Variants in SMARCC1 observed in about 807,000 individuals in gnomAD.
SMARCC1 encodes SWI/SNF related BAF chromatin remodeling complex subunit C1, also known as SWI/SNF complex subunit SMARCC1.
In SMARCC1, 43 loss-of-function variants were observed where a neutral mutation model predicts 147.4. That is an observed-to-expected ratio of 0.29 (90% CI 0.23 to 0.38). The LOEUF is 0.38. Ranked by LOEUF, SMARCC1 falls within the 10% of genes least tolerant of loss-of-function variation. SMARCC1 has a pLI of 1.00. For missense variants in SMARCC1, 1,119 were observed against 1,381.1 expected (o/e 0.81, Z 3.01); for synonymous variants, 495 against 484.4 (o/e 1.02, Z -0.29).
chr3:47,592,361 T>C (rs1206269707), intron 26 of SMARCC1, among the ~76,000 whole-genome samples: 2 of 152,232 alleles, frequency 1.3e-5, no homozygotes, highest in Non-Finnish European at 2.9e-5. Flanking sequence ...AATAAATACA[T>C]CTTTATTTAT....
In SMARCC1 at chr3:47,689,481, T is replaced by C. The variant is rs2033766203; in HGVS notation, c.1226-57A>G. The C allele has an allele frequency of 3.4e-6, 5 of 1,460,372 alleles. No individual in the cohort carries two copies. In the Admixed American group the frequency reaches 5.0e-5, roughly 15 times the overall value. 90.5% of individuals were successfully genotyped at this position (1,460,372 alleles called of 1,614,324 possible). A position where few individuals can be genotyped will look rare whatever the true frequency, so the allele number is the denominator to read the frequency against. On this transcript the variant is annotated intron_variant, in intron 12 of 27. Transcript: ENST00000254480. ...AAACAGGTAAATGTTCTTTGGGTTATTTGGAAAATTAATGGTCTAAGAACT... is the reference window on the plus strand; with the variant it reads ...AAACAGGTAAATGTTCTTTGGGTTACTTGGAAAATTAATGGTCTAAGAACT...
chr3:47,749,736 CAGAGAGAG>C (rs71070224), intron 2 of SMARCC1, among the ~76,000 whole-genome samples: 7 of 110,862 alleles, frequency 6.3e-5, no homozygotes, highest in African/African-American at 1.3e-4. Context: ...GAGAAAGAGA[CAGAGAGAG>C]AGAGAGAGAG....
chr3:47,699,415 T>C (rs2033891646), intron 11 of SMARCC1, among the ~76,000 whole-genome samples: 1 of 152,198 alleles, frequency 6.6e-6, no homozygotes, highest in Non-Finnish European at 1.5e-5. Flanking sequence ...TCAGCGTTAG[T>C]GCTTTAGCCT....
intron 2 of SMARCC1, among the ~76,000 whole-genome samples, chr3:47,771,758 T>C (rs948897500): frequency 6.6e-6 from 1 of 151,500 alleles, no homozygotes; most frequent in African/African-American, 2.4e-5. Context: ...AATAACATGA[T>C]ATAATATAAC....
chr3:47,596,159 G>A (rs1245591005), intron 26 of SMARCC1, among the ~76,000 whole-genome samples: 1 of 152,144 alleles, frequency 6.6e-6, no homozygotes. Context: ...TGTAGAACAA[G>A]GGGTGAGGAC....
At chr3:47,760,205 T>C (rs1285258803) in intron 2 of SMARCC1, among the ~76,000 whole-genome samples, 1 of 151,802 alleles carries the variant, frequency 6.6e-6, no homozygotes, top group Non-Finnish European at 1.5e-5. Context: ...AATCAGCTAC[T>C]TTAGAGGCTG....
chr3:47,667,016 T>TA (rs971178183), intron 19 of SMARCC1, among the ~76,000 whole-genome samples: 2 of 152,216 alleles, frequency 1.3e-5, no homozygotes, highest in African/African-American at 4.8e-5. Flanking sequence ...TTAGCTGGCA[T>TA]AAAAAATGAG....
chr3:47,738,208 G>A (rs972538016), intron 3 of SMARCC1, 98 bp from the exon 4 acceptor site: 4 of 717,052 alleles, frequency 5.6e-6, no homozygotes, highest in Non-Finnish European at 9.1e-6. Context: ...AGAAAGATTT[G>A]AAAATTAAAA....
chr3:47,738,725 G>A (rs541259945), intron 3 of SMARCC1, among the ~76,000 whole-genome samples: 7 of 152,146 alleles, frequency 4.6e-5, no homozygotes, highest in Non-Finnish European at 7.4e-5. Context: ...CAGTATCTGT[G>A]TTCTCTTAGA....
chr3:47,767,189 GAAA>G (rs375076788), intron 2 of SMARCC1, among the ~76,000 whole-genome samples: 26 of 80,162 alleles, frequency 3.2e-4, no homozygotes, highest in Non-Finnish European at 4.5e-4. Context: ...TCTCCAAAAA[GAAA>G]AAAAAAAAAA....
chr3:47,725,032 C>CAAA (rs35548192), intron 6 of SMARCC1, among the ~76,000 whole-genome samples: 7,438 of 31,284 alleles, frequency 0.24, 1,107 homozygotes, highest in Non-Finnish European at 0.28. Context: ...ACTGTCTCCA[C>CAAA]AAAAAAAAAA....
At chr3:47,780,168 G>GTTTTTTTTTTTTTTTTTTTTT (rs10662354) in intron 1 of SMARCC1, among the ~76,000 whole-genome samples, 4 of 61,882 alleles carry the variant, frequency 6.5e-5, no homozygotes, top group African/African-American at 1.3e-4. Flanking sequence ...GTTTTTTTTT[G>GTTTTTTTTTTTTTTTTTTTTT]TTTTTTTTTT....
chr3:47,758,469 G>GC (rs1177725404), intron 2 of SMARCC1, among the ~76,000 whole-genome samples: 8 of 151,804 alleles, frequency 5.3e-5, no homozygotes, highest in African/African-American at 1.9e-4. Flanking sequence ...GGTCAAGGCT[G>GC]CAGTGAGCTG....
At chr3:47,614,208 A>G (rs2032605984) in intron 25 of SMARCC1, among the ~76,000 whole-genome samples, 1 of 152,222 alleles carries the variant, frequency 6.6e-6, no homozygotes, top group Non-Finnish European at 1.5e-5. Flanking sequence ...ATATAATTGC[A>G]TTTTGCTACT....
chr3:47,771,024 C>T (rs2034907760), intron 2 of SMARCC1, among the ~76,000 whole-genome samples: 1 of 152,162 alleles, frequency 6.6e-6, no homozygotes, highest in African/African-American at 2.4e-5. Context: ...CATTCTCCTG[C>T]CTCAGCCTCC....
chr3:47,737,185 A>T (rs1180447888), intron 4 of SMARCC1, among the ~76,000 whole-genome samples: 1 of 152,158 alleles, frequency 6.6e-6, no homozygotes, highest in Non-Finnish European at 1.5e-5. Context: ...TGAATTCATG[A>T]ATTTGAGACC....
intron 5 of SMARCC1, among the ~76,000 whole-genome samples, chr3:47,734,402 A>G (rs911330347): frequency 6.6e-6 from 1 of 152,232 alleles, no homozygotes; most frequent in African/African-American, 2.4e-5. Context: ...CTATAATTGT[A>G]CGCAGTATTA....
At chr3:47,737,105 AAGGC>A (rs1480184420) in intron 4 of SMARCC1, among the ~76,000 whole-genome samples, 6 of 152,196 alleles carry the variant, frequency 3.9e-5, no homozygotes, top group Non-Finnish European at 8.8e-5. Context: ...AAATAAAATG[AAGGC>A]AGGCCGGACT....
chr3:47,703,844 T>A (rs1287006683), intron 10 of SMARCC1, among the ~76,000 whole-genome samples: 1 of 152,240 alleles, frequency 6.6e-6, no homozygotes, highest in Non-Finnish European at 1.5e-5. Context: ...TCACCCAGGC[T>A]AGAGTGCAGT....
Sources: allele counts gnomAD v4.1 joint callset (sites outside exome capture counted in the v4.1 genomes callset), GRCh38; gene constraint gnomAD v4.1.1; transcripts MANE v1.5; gene names NCBI Gene and HGNC (gene_info 2026-07-23, HGNC 2026-07-21).